The following GCN1 variants were observed in gnomAD, a reference collection of about 807,000 sequenced individuals.
GCN1 encodes stalled ribosome sensor GCN1.
A neutral mutation model predicts 288.4 loss-of-function variants in GCN1; 90 were observed. The observed-to-expected ratio is 0.31, with a 90% CI of 0.26 to 0.37. The LOEUF is 0.37. GCN1 is among the 10% of genes least tolerant of loss of function. GCN1 has a pLI of 1.00. For synonymous variants in GCN1, 1,386 were observed against 1,420.2 expected (o/e 0.98, Z 0.54); for missense variants, 2,586 against 3,419.9 (o/e 0.76, Z 6.08).
Position 120,127,781 on chromosome 12 carries a change from T to A in GCN1, c.*68A>T. 6.4e-7 allele frequency: 1 copy of A among 1,554,386 alleles called. No individual in the cohort carries two copies. Among genetic ancestry groups the A allele is most frequent in the South Asian group, 1.1e-5 (1 of 88,556 alleles). On this transcript the variant is annotated 3_prime_UTR_variant, in exon 58 of 58. Coordinates refer to ENST00000300648, the MANE Select transcript of GCN1 (RefSeq NM_006836.2). ...CTTCCAAGCTCCCCATTGGAACAAATGTATTTTCAAAAATGAAAACATTGA... is the reference window on the plus strand; with the variant it reads ...CTTCCAAGCTCCCCATTGGAACAAAAGTATTTTCAAAAATGAAAACATTGA...
chr12:120,138,387 A>G lies in GCN1; in HGVS notation c.6185T>C (p.Leu2062Ser). The part of the protein sequence containing the change: ...LDDEEVSEFA[L>S]DGLKQVMAIK... Reference sequence around the variant, plus strand: ...AGCCATGACTTGCTTCAGACCATCCAAGGCAAACTCTGACACCTCCTCGTC... The same window carrying G: ...AGCCATGACTTGCTTCAGACCATCCGAGGCAAACTCTGACACCTCCTCGTC... The change falls in exon 47 of 58, where the codon TTG becomes TCG. Residue 2062 changes from leucine to serine, a missense_variant. By Grantham distance (145) the Leu-to-Ser change is moderately radical (BLOSUM62 -2). Coordinates refer to ENST00000300648, the MANE Select transcript of GCN1 (RefSeq NM_006836.2). 1 of 1,610,990 alleles carries G rather than the reference A, an allele frequency of 6.2e-7. No homozygotes were observed. Among genetic ancestry groups the G allele is most frequent in the Non-Finnish European group, 8.5e-7 (1 of 1,177,176 alleles).
chr12:120,173,216 C>T (rs1227082059), intron 14 of GCN1, among the ~76,000 whole-genome samples: 2 of 152,000 alleles, frequency 1.3e-5, no homozygotes, highest in African/African-American at 2.4e-5. Flanking sequence ...GCCACCATGC[C>T]CAGCTAATTT....
At chr12:120,157,140 T>G in intron 26 of GCN1, 148 bp from the exon 27 acceptor site, 1 of 605,222 alleles carries the variant, frequency 1.7e-6, no homozygotes, top group South Asian at 1.9e-5. Context: ...AGTTTACAAC[T>G]AGGTCCACAG....
chr12:120,147,337 C>T, intron 37 of GCN1, 65 bp from the exon 38 acceptor site: 2 of 856,274 alleles, frequency 2.3e-6, no homozygotes, highest in South Asian at 4.2e-5. Context: ...CCCCTGGGCC[C>T]CCAGAACTAG....
chr12:120,166,236 G>A (rs1478925859), intron 16 of GCN1, among the ~76,000 whole-genome samples: 3 of 151,086 alleles, frequency 2.0e-5, no homozygotes, highest in East Asian at 4.0e-4. Context: ...AACCCCGTCT[G>A]TACTAAAAAT....
chr12:120,151,178 T>C lies in GCN1; in HGVS notation c.4276A>G (p.Ile1426Val). 1.9e-6 allele frequency: 3 copies of C among 1,614,028 alleles called. No homozygotes were observed. The highest frequency in any genetic ancestry group is 2.5e-6 in the Non-Finnish European group (3 of 1,180,024). Residue 1426 changes from isoleucine to valine, a missense_variant, in exon 34 of 58, where the codon ATC becomes GTC. By Grantham distance (29) the Ile-to-Val change is conservative. Coordinates refer to ENST00000300648, the MANE Select transcript of GCN1 (RefSeq NM_006836.2). ...CGGCGGAAGTTCTTCTTATCTTGGATGGCATCAGTCAGTGCCGCCATCATC... is the reference window on the plus strand; with the variant it reads ...CGGCGGAAGTTCTTCTTATCTTGGACGGCATCAGTCAGTGCCGCCATCATC... The part of the protein sequence containing the change: ...QEMMAALTDA[I>V]QDKKNFRRRE...
At chr12:120,132,048 G>C in intron 53 of GCN1, 26 bp from the exon 54 acceptor site, 1 of 1,454,874 alleles carries the variant, frequency 6.9e-7, no homozygotes, top group Non-Finnish European at 9.5e-7. Context: ...AGGGAGTGAG[G>C]GGGTGCAGGG....
chr12:120,164,535 G>C (rs1287775710), intron 17 of GCN1, 40 bp from the exon 18 acceptor site: 14 of 1,608,834 alleles, frequency 8.7e-6, no homozygotes, highest in Non-Finnish European at 1.2e-5. Context: ...GGAAGGCCAA[G>C]AGCAGGGCTT....
rs750094629 is a variant in GCN1 at position 120,153,352 on chromosome 12, T to C, written c.3923A>G (p.Asn1308Ser). 9.9e-6 allele frequency: 16 copies of C among 1,614,076 alleles called. 1 individual carries two copies. The highest frequency in any genetic ancestry group is 6.7e-5 in the African/African-American group (5 of 74,938). ...TCGCACAGCATCATAGCTGGCATCA[T>C]TGGGCGCGTTCTTCAGGAACTCCTC... Reference protein sequence around the residue: ...VFEEFLKNAPNDASYDAVRQS... With the variant: ...VFEEFLKNAPSDASYDAVRQS... Residue 1308 changes from asparagine (N) to serine (S), a missense_variant, in exon 33 of 58, where the codon AAT becomes AGT. Coordinates refer to ENST00000300648, the MANE Select transcript of GCN1 (RefSeq NM_006836.2). This position sits in a 1 kb window ranked among gnomAD's most constrained non-coding sequence, Gnocchi z 4.4.
intron 5 of GCN1, among the ~76,000 whole-genome samples, chr12:120,182,755 T>C (rs920053214): frequency 2.6e-5 from 4 of 152,034 alleles, no homozygotes; most frequent in East Asian, 1.9e-4. Context: ...CTGGCCACCA[T>C]GGAAAAACCC....
intron 16 of GCN1, among the ~76,000 whole-genome samples, chr12:120,166,571 G>C (rs1878132810): frequency 6.6e-6 from 1 of 151,268 alleles, no homozygotes; most frequent in Non-Finnish European, 1.5e-5. Context: ...AGGCGTGGCG[G>C]CATGCACCTG....
intron 57 of GCN1, among the ~76,000 whole-genome samples, 200 bp downstream of exon 57, chr12:120,129,076 G>A (rs184785243): frequency 2.6e-5 from 4 of 151,810 alleles, no homozygotes; most frequent in Admixed American, 6.6e-5. Context: ...TGATCTGCCC[G>A]CCTCAGCCTC....
intron 15 of GCN1, 185 bp from the exon 16 acceptor site, chr12:120,168,485 T>A (rs1010483976): frequency 3.0e-5 from 16 of 538,914 alleles, no homozygotes; most frequent in Non-Finnish European, 5.0e-5. Flanking sequence ...TACGAAACTC[T>A]TCGGTGGCTC....
chr12:120,131,372 A>C, intron 54 of GCN1, 39 bp from the exon 55 acceptor site: 1 of 1,606,764 alleles, frequency 6.2e-7, no homozygotes, highest in Non-Finnish European at 8.5e-7. Context: ...CCGGTATTTT[A>C]CAGCATGTCC....
chr12:120,189,229 T>A (rs1293343437), intron 2 of GCN1, among the ~76,000 whole-genome samples: 1 of 149,918 alleles, frequency 6.7e-6, no homozygotes, highest in Non-Finnish European at 1.5e-5. Flanking sequence ...TGCGTCACCA[T>A]GCTCAGCTAA....
Position 120,142,438 on chromosome 12 carries a change from A to G in GCN1, c.5829+69T>C. The G allele has an allele frequency of 1.7e-6, 2 of 1,154,602 alleles. No individual in the cohort carries two copies. The highest frequency in any genetic ancestry group is 2.6e-6 in the Non-Finnish European group (2 of 766,148). 71.5% of individuals were successfully genotyped at this position (1,154,602 alleles called of 1,614,324 possible). A position where few individuals can be genotyped will look rare whatever the true frequency, so the allele number is the denominator to read the frequency against. On this transcript the variant is annotated intron_variant, in intron 44 of 57. Coordinates refer to ENST00000300648, the MANE Select transcript of GCN1 (RefSeq NM_006836.2). This position sits in a 1 kb window ranked among gnomAD's most constrained non-coding sequence, Gnocchi z 4.9. Reference sequence around the variant, plus strand: ...ATGGGTACTTTCCCAGGCTCTGCAGACCCAGCCTTCTAGGCTCTGAAAGGA... The same window carrying G: ...ATGGGTACTTTCCCAGGCTCTGCAGGCCCAGCCTTCTAGGCTCTGAAAGGA...
chr12:120,151,427 G>C, intron 33 of GCN1, 36 bp from the exon 34 acceptor site: 1 of 1,607,482 alleles, frequency 6.2e-7, no homozygotes, highest in African/African-American at 1.3e-5. Flanking sequence ...CTGTGGCTCC[G>C]CTGCAGCCGT....
chr12:120,130,589 A>G (rs1876783904), intron 56 of GCN1, 57 bp downstream of exon 56: 2 of 1,148,230 alleles, frequency 1.7e-6, no homozygotes, highest in Non-Finnish European at 2.6e-6. Flanking sequence ...CTCTGATCCT[A>G]GGACCTCCTC....
At chr12:120,186,461 G>C (rs1383953046) in intron 2 of GCN1, among the ~76,000 whole-genome samples, 1 of 152,284 alleles carries the variant, frequency 6.6e-6, no homozygotes, top group Admixed American at 6.5e-5. Context: ...AAACAAAAGG[G>C]AGGAGCTTCT....
Sources: allele counts gnomAD v4.1 joint callset (sites outside exome capture counted in the v4.1 genomes callset), GRCh38; gene constraint gnomAD v4.1.1; non-coding constraint Gnocchi (gnomAD v3.1); transcripts MANE v1.5; gene names NCBI Gene and HGNC (gene_info 2026-07-23, HGNC 2026-07-21).